Variants in CSMD3 observed in about 807,000 individuals in gnomAD.
CSMD3 encodes the protein CUB and sushi domain-containing protein 3.
CSMD3 carries 177 observed loss-of-function variants against 435.2 expected under a neutral mutation model. The ratio of observed to expected loss-of-function variants is 0.41; its 90% CI spans 0.36 to 0.46. CSMD3 has a LOEUF of 0.46. CSMD3 is among the 20% of genes least tolerant of loss of function. The pLI, the probability that CSMD3 is intolerant of heterozygous loss-of-function variation, is 0.34. For synonymous variants in CSMD3, 1,656 were observed against 1,520.5 expected (o/e 1.09, Z -2.07); for missense variants, 4,265 against 4,504.6 (o/e 0.95, Z 1.52).
chr8:112,405,842 G>A (rs1018090331), intron 35 of CSMD3, among the ~76,000 whole-genome samples: 1 of 151,706 alleles, frequency 6.6e-6, no homozygotes, highest in Non-Finnish European at 1.5e-5. Flanking sequence ...TTTACATATT[G>A]GCCCAGAAAT....
intron 10 of CSMD3, among the ~76,000 whole-genome samples, chr8:112,902,518 A>G (rs1008090649): frequency 1.3e-5 from 2 of 151,180 alleles, no homozygotes; most frequent in African/African-American, 4.8e-5. Flanking sequence ...GTTCATAGAG[A>G]TACTTCTAAA....
chr8:112,721,744 C>A (rs544332651), intron 13 of CSMD3, among the ~76,000 whole-genome samples: 120 of 152,182 alleles, frequency 7.9e-4, no homozygotes, highest in African/African-American at 2.7e-3. Context: ...GGCCTTAGAA[C>A]TATTTTTGTT....
At chr8:112,374,841 T>C (rs897645526) in intron 38 of CSMD3, among the ~76,000 whole-genome samples, 3 of 152,202 alleles carry the variant, frequency 2.0e-5, no homozygotes, top group African/African-American at 7.2e-5. Flanking sequence ...TCCTGCTCTA[T>C]GTTTTGTTTG....
At chr8:112,835,950 A>G (rs2080010885) in intron 11 of CSMD3, among the ~76,000 whole-genome samples, 2 of 151,852 alleles carry the variant, frequency 1.3e-5, no homozygotes, top group South Asian at 4.1e-4. Flanking sequence ...GTGACCCAGT[A>G]ACCACTCTGT....
At chr8:113,408,595 A>C (rs548298937) in intron 1 of CSMD3, among the ~76,000 whole-genome samples, 3 of 152,244 alleles carry the variant, frequency 2.0e-5, no homozygotes, top group African/African-American at 7.2e-5. Flanking sequence ...AAATAATAAA[A>C]AGGTGCAGGC....
intron 5 of CSMD3, among the ~76,000 whole-genome samples, chr8:113,056,213 C>T (rs759335413): frequency 9.9e-5 from 15 of 152,156 alleles, no homozygotes; most frequent in Non-Finnish European, 1.6e-4. Flanking sequence ...AGAGGAAACA[C>T]TGTCTACACG....
intron 3 of CSMD3, among the ~76,000 whole-genome samples, chr8:113,188,458 T>A (rs187777003): frequency 1.3e-5 from 2 of 152,122 alleles, no homozygotes; most frequent in East Asian, 3.9e-4. Context: ...AATAATTGAA[T>A]TCTGGATTGA....
At chr8:112,868,826 T>C (rs912807773) in intron 10 of CSMD3, among the ~76,000 whole-genome samples, 49 of 152,128 alleles carry the variant, frequency 3.2e-4, no homozygotes, top group African/African-American at 1.2e-3. Context: ...AATAATGAAA[T>C]TGGGCCCTTG....
chr8:113,404,589 C>T (rs1459356504), intron 1 of CSMD3, among the ~76,000 whole-genome samples: 1 of 151,232 alleles, frequency 6.6e-6, no homozygotes, highest in Non-Finnish European at 1.5e-5. Flanking sequence ...TAAAGTGAAA[C>T]CCTGATATTG....
intron 4 of CSMD3, among the ~76,000 whole-genome samples, chr8:113,114,978 T>C (rs2090778392): frequency 6.6e-6 from 1 of 152,190 alleles, no homozygotes; most frequent in African/African-American, 2.4e-5. Flanking sequence ...AGGGCTGAGA[T>C]GATGCCTACT....
intron 4 of CSMD3, among the ~76,000 whole-genome samples, chr8:113,157,958 T>C (rs1278104089): frequency 6.6e-6 from 1 of 152,000 alleles, no homozygotes; most frequent in African/African-American, 2.4e-5. Flanking sequence ...ACGCGATTCT[T>C]TAGGATATAC....
chr8:113,112,180 T>C (rs958301651), intron 4 of CSMD3, among the ~76,000 whole-genome samples: 4 of 151,768 alleles, frequency 2.6e-5, no homozygotes, highest in Non-Finnish European at 5.9e-5. Flanking sequence ...TATTGCATAT[T>C]TCAATAGTTT....
At chr8:113,105,319 G>A (rs536864665) in intron 4 of CSMD3, among the ~76,000 whole-genome samples, 25 of 152,098 alleles carry the variant, frequency 1.6e-4, no homozygotes, top group East Asian at 5.8e-4. Context: ...GATACATTCC[G>A]GACCATAGAA....
At chr8:113,207,302 TA>T (rs1424742363) in intron 3 of CSMD3, among the ~76,000 whole-genome samples, 2 of 151,316 alleles carry the variant, frequency 1.3e-5, no homozygotes, top group East Asian at 1.9e-4. Context: ...TACAATTTAT[TA>T]AAAAATTATT....
At chr8:112,780,341 T>C (rs1279423441) in intron 13 of CSMD3, among the ~76,000 whole-genome samples, 1 of 152,022 alleles carries the variant, frequency 6.6e-6, no homozygotes, top group African/African-American at 2.4e-5. Context: ...TTCCTTATCT[T>C]AAAGGAAATG....
intron 1 of CSMD3, among the ~76,000 whole-genome samples, chr8:113,355,766 A>ACC: frequency 1.3e-5 from 1 of 75,428 alleles, no homozygotes; most frequent in Non-Finnish European, 2.5e-5. Context: ...ACACACACAC[A>ACC]CGGGGTGTGT....
rs527421188 is a variant in CSMD3 at position 112,737,697 on chromosome 8, C to T, written c.1973-47647G>A. Among the ~76,000 whole-genome samples the T allele has an allele frequency of 2.6e-5, 4 of 151,908 alleles. No homozygotes were observed. In the South Asian group the frequency reaches 6.2e-4, roughly 24 times the overall value. On this transcript the variant is annotated intron_variant, in intron 13 of 70. Coordinates refer to ENST00000297405, the MANE Select transcript of CSMD3 (RefSeq NM_198123.2). ...AAAAGAACAGTGGTTGTGATGAGAT[C>T]GTAAGTGGCTGAATGTGCTAAAAAC...
chr8:112,835,709 A>C (rs935925092), intron 11 of CSMD3, among the ~76,000 whole-genome samples: 6 of 151,908 alleles, frequency 3.9e-5, no homozygotes, highest in African/African-American at 1.4e-4. Context: ...ACAGAAACAC[A>C]GTTTCAGGGG....
At chr8:112,966,654 T>G (rs2084428800) in intron 7 of CSMD3, among the ~76,000 whole-genome samples, 3 of 151,804 alleles carry the variant, frequency 2.0e-5, no homozygotes, top group African/African-American at 7.2e-5. Context: ...ATTTAAAATT[T>G]AGAGCTAAAA....
Sources: allele counts gnomAD v4.1 joint callset (sites outside exome capture counted in the v4.1 genomes callset), GRCh38; gene constraint gnomAD v4.1.1; transcripts MANE v1.5; gene names NCBI Gene and HGNC (gene_info 2026-07-23, HGNC 2026-07-21).